Variants in CCDC110 observed in about 807,000 individuals in gnomAD.
CCDC110 encodes coiled-coil domain containing 110.
In CCDC110, 70 loss-of-function variants were observed where a neutral mutation model predicts 77.1. The ratio of observed to expected loss-of-function variants is 0.91; its 90% CI spans 0.75 to 1.11. The LOEUF is 1.11. Ranked by LOEUF, CCDC110 falls within the 50% of genes least tolerant of loss-of-function variation. The probability of loss-of-function intolerance (pLI) is 0.00; values close to 1 mark genes in which losing one functional copy is unlikely to be tolerated. For missense variants in CCDC110, 868 were observed against 942.9 expected (o/e 0.92, Z 1.04); for synonymous variants, 295 against 312.5 (o/e 0.94, Z 0.59).
chr4:185,460,806 A>G, intron 5 of CCDC110: 4 of 399,638 alleles, frequency 1.0e-5, no homozygotes, highest in South Asian at 2.3e-5. Context: ...TTTACTCGGG[A>G]ATCTTTCACG....
chr4:185,457,684 T>A (rs2095637962), intron 6 of CCDC110: 2 of 841,156 alleles, frequency 2.4e-6, no homozygotes, highest in South Asian at 4.8e-5. Context: ...ATTACCAGGT[T>A]AATGTAATCA....
At chr4:185,457,665 G>T in intron 6 of CCDC110, 1 of 708,692 alleles carries the variant, frequency 1.4e-6, no homozygotes. Context: ...TTAAAAACTA[G>T]TCTAATCAAT....
At chr4:185,448,127 T>C (rs2095619712) in intron 6 of CCDC110, among the ~76,000 whole-genome samples, 1 of 152,052 alleles carries the variant, frequency 6.6e-6, no homozygotes. Context: ...TTCAAGCAAC[T>C]CTCCTGTCTC....
intron 6 of CCDC110, among the ~76,000 whole-genome samples, chr4:185,452,948 C>A (rs1245610564): frequency 6.8e-6 from 1 of 148,046 alleles, no homozygotes; most frequent in African/African-American, 2.5e-5. Flanking sequence ...GCTGTCTATA[C>A]TAGAGCAAAA....
chr4:185,458,901 A>G lies in CCDC110; in HGVS notation c.1686T>C (p.Asn562=), dbSNP rs1463800243. ...TTTCTATACTCATTCGATTATTTTC[A>G]TTATTTACAATGGCCATATCACTTT... is the stretch of plus-strand genomic sequence containing the variant. ...KTQSDMAIVN[N]ENNRMSIEME... is the part of the protein sequence containing the mutation. The change falls in exon 6 of 7, where the codon AAT becomes AAC. Residue 562 remains asparagine (N), a synonymous_variant. Transcript: ENST00000307588. The G allele has an allele frequency of 3.7e-6, 6 of 1,607,100 alleles. No homozygotes were observed. In the South Asian group the frequency reaches 4.5e-5, roughly 12 times the overall value.
rs1321176327 is a variant in CCDC110 at position 185,461,090 on chromosome 4, C to G, written c.307G>C (p.Glu103Gln). ...CGCGTGCCAAACACCAGATTTTTTT[C>G]TGAGCTAAATTGTGGGTTTTCTACT... ...IEVENPQFSSEKNLVFGTRIE... is the reference protein window; with the variant it reads ...IEVENPQFSSQKNLVFGTRIE... Residue 103 changes from glutamate to glutamine, a missense_variant, in exon 5 of 7, where the codon GAA becomes CAA. Glu to Gln is a conservative substitution (Grantham distance 29). Transcript: ENST00000307588. The G allele has an allele frequency of 3.1e-6, 5 of 1,602,382 alleles. No individual in the cohort carries two copies. The highest frequency in any genetic ancestry group is 4.3e-6 in the Non-Finnish European group (5 of 1,174,372).
In CCDC110 at chr4:185,458,494, C is replaced by A; in HGVS notation, c.2093G>T (p.Gly698Val). The A allele has an allele frequency of 6.2e-7, 1 of 1,604,266 alleles. No homozygotes were observed. Among genetic ancestry groups the A allele is most frequent in the African/African-American group, 1.3e-5 (1 of 74,488 alleles). ...TTTTGATAACATTTCACATTCCTTG[C>A]CAATTTCTGACAAGCTATTCTTATA... ...SIYKNSLSEIGKECEMLSKMV... is the reference protein window; with the variant it reads ...SIYKNSLSEIVKECEMLSKMV... The change falls in exon 6 of 7, where the codon GGC (glycine) becomes GTC (valine). Residue 698 changes from glycine (G) to valine (V), a missense_variant. Transcript: ENST00000307588.
intron 2 of CCDC110, among the ~76,000 whole-genome samples, chr4:185,465,169 C>T (rs949780041): frequency 3.9e-5 from 6 of 152,296 alleles, no homozygotes; most frequent in African/African-American, 1.2e-4. Flanking sequence ...TAAATGTATT[C>T]AGCCTTCAAC....
intron 6 of CCDC110, among the ~76,000 whole-genome samples, chr4:185,453,251 A>G (rs1484817705): frequency 6.6e-6 from 1 of 152,180 alleles, no homozygotes; most frequent in African/African-American, 2.4e-5. Flanking sequence ...AACAACCACT[A>G]GATCATTATC....
At position 185,458,398 on chromosome 4, in the gene CCDC110, A is replaced by AT. The variant is rs2095639465; in HGVS notation, c.2188dup (p.Ile730AsnfsTer4). On this transcript the variant is annotated frameshift_variant, in exon 6 of 7. Transcript: ENST00000307588. LOFTEE classifies it high-confidence loss of function. Reference sequence around the variant, plus strand: ...TCTACTGATGCTGTTTTCAAATTTTATATTTTCTTGACTATGTTTCTTTAG... The same window carrying AT: ...TCTACTGATGCTGTTTTCAAATTTTATTATTTTCTTGACTATGTTTCTTTAG... The AT allele has an allele frequency of 6.3e-7, 1 of 1,594,014 alleles. No homozygotes were observed. Among genetic ancestry groups the AT allele is most frequent in the Non-Finnish European group, 8.5e-7 (1 of 1,171,774 alleles).
Position 185,445,450 on chromosome 4 carries a change from AATTAAC to A in CCDC110, c.*46_*51del. ...ATATGCATAGTTCAGTTAGCAGTAC[AATTAAC>A]ATTGGCTATTTCTCGAAGGGAGTTT... On this transcript the variant is annotated 3_prime_UTR_variant, in exon 7 of 7. Coordinates refer to ENST00000307588, the MANE Select transcript of CCDC110 (RefSeq NM_152775.4). The A allele has an allele frequency of 7.9e-7, 1 of 1,270,210 alleles. No homozygotes were observed. The highest frequency in any genetic ancestry group is 1.1e-6 in the Non-Finnish European group (1 of 881,798). 78.7% of individuals were successfully genotyped at this position (1,270,210 alleles called of 1,614,324 possible). A position where few individuals can be genotyped will look rare whatever the true frequency, so the allele number is the denominator to read the frequency against.
intron 2 of CCDC110, among the ~76,000 whole-genome samples, chr4:185,467,787 G>A (rs543335931): frequency 1.3e-5 from 2 of 152,302 alleles, no homozygotes; most frequent in South Asian, 2.1e-4. Flanking sequence ...ACAGGGTAAC[G>A]ATTCTATATA....
At chr4:185,452,323 A>G in intron 6 of CCDC110, 1 of 985,472 alleles carries the variant, frequency 1.0e-6, no homozygotes, top group Non-Finnish European at 1.2e-6. Context: ...GCTCAGCCAG[A>G]CATCAGTCTC....
At chr4:185,466,147 G>A (rs866279871) in intron 2 of CCDC110, among the ~76,000 whole-genome samples, 10 of 152,164 alleles carry the variant, frequency 6.6e-5, no homozygotes, top group African/African-American at 9.6e-5. Context: ...AGGCCTAGGC[G>A]GGCAGATCAC....
chr4:185,462,559 T>C (rs2095648291), intron 4 of CCDC110, 84 bp downstream of exon 4: 5 of 1,008,540 alleles, frequency 5.0e-6, no homozygotes, highest in Non-Finnish European at 7.9e-6. Flanking sequence ...TGTCAGCTAA[T>C]CCATTGGCTA....
At chr4:185,457,288 T>C in intron 6 of CCDC110, 1 of 456,326 alleles carries the variant, frequency 2.2e-6, no homozygotes, top group Non-Finnish European at 4.4e-6. Flanking sequence ...CTAGAGATTG[T>C]GTTTCCTCTG....
In CCDC110 at chr4:185,463,101, T is replaced by C; in HGVS notation, c.116-52A>G. ...TGACTTAATTCTTAAATTTTATTTTTTAAAACCTGTAATAGAAAGCAGTCT... is the reference window on the plus strand; with the variant it reads ...TGACTTAATTCTTAAATTTTATTTTCTAAAACCTGTAATAGAAAGCAGTCT... On this transcript the variant is annotated intron_variant, in intron 2 of 6. Coordinates refer to ENST00000307588, the MANE Select transcript of CCDC110 (RefSeq NM_152775.4). The C allele has an allele frequency of 2.8e-6, 4 of 1,428,638 alleles. No individual in the cohort carries two copies. The South Asian group carries it at 4.7e-5, about 17-fold the overall frequency. 88.5% of individuals were successfully genotyped at this position (1,428,638 alleles called of 1,614,324 possible). A position where few individuals can be genotyped will look rare whatever the true frequency, so the allele number is the denominator to read the frequency against.
Position 185,468,845 on chromosome 4 carries a change from G to T in CCDC110, c.115+2100C>A, listed in dbSNP as rs2095660750. 6.6e-6 allele frequency among the ~76,000 whole-genome samples: 1 copy of T among 152,134 alleles called. No homozygotes were observed. The highest frequency in any genetic ancestry group is 1.5e-5 in the Non-Finnish European group (1 of 68,030). The stretch of plus-strand genomic sequence containing the variant: ...TACACACAATAGCCTTTGTCTGTCT[G>T]TTCCCTCACTAGAAGGTAAGCTCCA... On this transcript the variant is annotated intron_variant, in intron 2 of 6. Coordinates refer to ENST00000307588, the MANE Select transcript of CCDC110 (RefSeq NM_152775.4). This position sits in a 1 kb window ranked among gnomAD's most constrained non-coding sequence, Gnocchi z 4.5.
intron 1 of CCDC110, 45 bp downstream of exon 1, chr4:185,471,629 C>T (rs1030319111): frequency 6.5e-7 from 1 of 1,550,110 alleles, no homozygotes; most frequent in Non-Finnish European, 8.7e-7. Flanking sequence ...TGCTGCCCTC[C>T]GTTCCCGCGG....
Sources: allele counts gnomAD v4.1 joint callset (sites outside exome capture counted in the v4.1 genomes callset), GRCh38; gene constraint gnomAD v4.1.1; non-coding constraint Gnocchi (gnomAD v3.1); transcripts MANE v1.5; gene names NCBI Gene and HGNC (gene_info 2026-07-23, HGNC 2026-07-21).